Variants in C1QTNF9 observed in about 807,000 individuals in gnomAD.
The protein encoded by C1QTNF9 is C1q and TNF related 9, also known as complement C1q and tumor necrosis factor-related protein 9A.
C1QTNF9 carries 6 observed loss-of-function variants against 10.1 expected under a neutral mutation model. The observed-to-expected ratio is 0.59, with a 90% CI of 0.32 to 1.17. C1QTNF9 has a LOEUF of 1.17. C1QTNF9 is among the 50% of genes most tolerant of loss of function. The pLI is 0.04. For synonymous variants in C1QTNF9, 98 were observed against 163.5 expected, an observed-to-expected ratio of 0.60 and a Z score of 3.06; for missense variants, 201 against 418.8, an observed-to-expected ratio of 0.48 and a Z score of 4.54.
chr13:24,312,823 T>C (rs951886268), intron 1 of C1QTNF9, among the ~76,000 whole-genome samples: 29 of 151,606 alleles, frequency 1.9e-4, no homozygotes, highest in African/African-American at 3.9e-4. Flanking sequence ...GGCATGGTAG[T>C]GGGTGCCTGT....
intron 2 of C1QTNF9, among the ~76,000 whole-genome samples, chr13:24,316,765 C>T (rs570002334): frequency 2.6e-5 from 4 of 152,274 alleles, no homozygotes; most frequent in Admixed American, 2.0e-4. Context: ...GATTCAGCCT[C>T]TGGGAGGGAG....
At chr13:24,308,315 G>A (rs2138796092), upstream of C1QTNF9, among the ~76,000 whole-genome samples, 1 of 152,344 alleles carries the variant, frequency 6.6e-6, no homozygotes, top group South Asian at 2.1e-4. Flanking sequence ...TTCCGTCGGG[G>A]CCGCCTGCGG....
At chr13:24,316,666 C>G (rs1005112752) in intron 2 of C1QTNF9, among the ~76,000 whole-genome samples, 1 of 152,132 alleles carries the variant, frequency 6.6e-6, no homozygotes, top group Non-Finnish European at 1.5e-5. Flanking sequence ...CAAAAGGAGA[C>G]GAGAATCTGA....
At chr13:24,312,939 A>T (rs1303591962) in intron 1 of C1QTNF9, among the ~76,000 whole-genome samples, 32 of 144,090 alleles carry the variant, frequency 2.2e-4, no homozygotes, top group Middle Eastern at 3.6e-3. Context: ...TGGGCGACAG[A>T]GCGAGACTCT....
intron 3 of C1QTNF9, among the ~76,000 whole-genome samples, chr13:24,319,525 T>A (rs76582049): frequency 0.13 from 19,278 of 151,852 alleles, 1,328 homozygotes; most frequent in Middle Eastern, 0.26. Flanking sequence ...GGTAACAGAG[T>A]GGGTGACCCT....
exon 4 of C1QTNF9, chr13:24,321,594 C>T (rs1365162861): frequency 2.5e-6 from 4 of 1,614,022 alleles, no homozygotes; most frequent in African/African-American, 1.3e-5. Context: ...TACTGCACAC[C>T]AAAGATGCTT....
At chr13:24,309,283 T>TTTTATATATATATATATATATATATATA (rs1422107558), upstream of C1QTNF9, among the ~76,000 whole-genome samples, 6 of 68,276 alleles carry the variant, frequency 8.8e-5, no homozygotes, top group Non-Finnish European at 1.4e-4. Flanking sequence ...ACTTAAAGTA[T>TTTTATATATATATATATATATATATATA]TATATATATA....
chr13:24,313,157 T>C (rs1276534552), intron 1 of C1QTNF9, among the ~76,000 whole-genome samples: 1 of 152,146 alleles, frequency 6.6e-6, no homozygotes, highest in Non-Finnish European at 1.5e-5. Context: ...ACAACTTACT[T>C]TGCTACGTAT....
intron 1 of C1QTNF9, 115 bp downstream of exon 1, chr13:24,309,731 T>A (rs1300765180): frequency 1.3e-5 from 2 of 152,210 alleles, no homozygotes; most frequent in South Asian, 4.1e-4. Context: ...AATAGTCAGA[T>A]GTCTATACAG....
chr13:24,310,320 CT>C (rs59368172), intron 1 of C1QTNF9, among the ~76,000 whole-genome samples: 4,504 of 140,720 alleles, frequency 0.032, 86 homozygotes, highest in African/African-American at 0.064. Flanking sequence ...CGCCTGGCTA[CT>C]TTTTTTTTTT....
At chr13:24,318,413 G>A (rs1484960595) in intron 2 of C1QTNF9, among the ~76,000 whole-genome samples, 1 of 152,196 alleles carries the variant, frequency 6.6e-6, no homozygotes, top group Non-Finnish European at 1.5e-5. Flanking sequence ...CTCTCCTCAA[G>A]AGTAATGGAA....
chr13:24,312,721 C>T (rs1310111397), intron 1 of C1QTNF9, among the ~76,000 whole-genome samples: 5 of 151,908 alleles, frequency 3.3e-5, no homozygotes, highest in African/African-American at 7.3e-5. Context: ...CTTTGGGAGG[C>T]CGAGGTGGGC....
chr13:24,309,544 T>G (rs1057286346), upstream of C1QTNF9: 3 of 152,050 alleles, frequency 2.0e-5, no homozygotes, highest in African/African-American at 7.2e-5. Flanking sequence ...GCAGGAAGGC[T>G]GATTTTATTT....
upstream of C1QTNF9, among the ~76,000 whole-genome samples, chr13:24,308,043 G>T (rs1877665046): frequency 6.6e-6 from 1 of 152,232 alleles, no homozygotes; most frequent in African/African-American, 2.4e-5. Context: ...AGCAAAGCGG[G>T]GCCGCAGGGC....
upstream of C1QTNF9, among the ~76,000 whole-genome samples, chr13:24,308,835 G>A (rs1370799722): frequency 6.6e-6 from 1 of 152,198 alleles, no homozygotes; most frequent in African/African-American, 2.4e-5. Context: ...TCTGTCCTCT[G>A]GAAGCTACTG....
intron 1 of C1QTNF9, 59 bp from the exon 2 acceptor site, chr13:24,315,923 T>C: frequency 5.0e-6 from 8 of 1,584,668 alleles, no homozygotes; most frequent in Non-Finnish European, 6.9e-6. Flanking sequence ...GAACAGAGGC[T>C]GTGTCCAGGG....
intron 2 of C1QTNF9, among the ~76,000 whole-genome samples, chr13:24,318,351 G>A (rs546066619): frequency 2.0e-5 from 3 of 152,286 alleles, no homozygotes; most frequent in South Asian, 4.1e-4. Context: ...ATAGTGTCAC[G>A]TAACCATAGT....
chr13:24,311,889 G>A (rs1417679524), intron 1 of C1QTNF9, among the ~76,000 whole-genome samples: 3 of 152,104 alleles, frequency 2.0e-5, no homozygotes, highest in African/African-American at 4.8e-5. Flanking sequence ...CACAGGAAGC[G>A]GGAAAGGGCA....
At chr13:24,310,221 T>C (rs1297212782) in intron 1 of C1QTNF9, among the ~76,000 whole-genome samples, 1 of 151,742 alleles carries the variant, frequency 6.6e-6, no homozygotes, top group African/African-American at 2.4e-5. Flanking sequence ...TGGCAGGATC[T>C]CAGCTCACTG....
Sources: gnomAD v4.1 joint callset for allele counts (sites outside exome capture counted in the v4.1 genomes callset) on GRCh38, gnomAD v4.1.1 for gene constraint, MANE v1.5 for transcripts, NCBI Gene and HGNC (gene_info 2026-07-23, HGNC 2026-07-21) for gene names.